Variants in NLGN1 observed in about 807,000 individuals in gnomAD.
The protein encoded by NLGN1 is neuroligin-1.
NLGN1 carries 12 observed loss-of-function variants against 65.5 expected under a neutral mutation model. The ratio of observed to expected loss-of-function variants is 0.18; its 90% CI spans 0.12 to 0.30. The LOEUF (loss-of-function observed/expected upper bound fraction) is 0.30. Ranked by LOEUF, NLGN1 falls within the 10% of genes least tolerant of loss-of-function variation. NLGN1 has a pLI of 1.00. For synonymous variants in NLGN1, 350 were observed against 359.5 expected, an observed-to-expected ratio of 0.97 and a Z score of 0.30; for missense variants, 750 against 1,007.1, an observed-to-expected ratio of 0.74 and a Z score of 3.46.
At chr3:173,942,793 C>T (rs1746393998) in intron 4 of NLGN1, among the ~76,000 whole-genome samples, 1 of 152,022 alleles carries the variant, frequency 6.6e-6, no homozygotes, top group Non-Finnish European at 1.5e-5. Context: ...TTCATGACAA[C>T]CAGGGAAGTG....
chr3:174,116,330 C>CTT lies in NLGN1; in HGVS notation c.647-158959_647-158958dup, dbSNP rs1168837585. Among the ~76,000 whole-genome samples the CTT allele has an allele frequency of 3.0e-3, 211 of 69,648 alleles. 31 individuals carry two copies. Among genetic ancestry groups the CTT allele is most frequent in the Non-Finnish European group, 3.9e-3 (129 of 33,130 alleles). 45.7% of individuals were successfully genotyped at this position (69,648 alleles called of 152,430 possible). A position where few individuals can be genotyped will look rare whatever the true frequency, so the allele number is the denominator to read the frequency against. Reference sequence around the variant, plus strand: ...ACATGTAAGTTTTTTTCTGGGTTTTCTTTTTTTTTTTTTTTTTTTTTTTTT... The same window carrying CTT: ...ACATGTAAGTTTTTTTCTGGGTTTTCTTTTTTTTTTTTTTTTTTTTTTTTTTT... On this transcript the variant is annotated intron_variant, in intron 4 of 6. Transcript: ENST00000457714.
intron 4 of NLGN1, among the ~76,000 whole-genome samples, chr3:174,063,741 T>C (rs557247735): frequency 6.6e-6 from 1 of 152,098 alleles, no homozygotes; most frequent in Non-Finnish European, 1.5e-5. Context: ...AAAAAGGATG[T>C]TGTAAAATTT....
chr3:174,276,919 A>G (rs1197445886), intron 5 of NLGN1, among the ~76,000 whole-genome samples: 3 of 151,846 alleles, frequency 2.0e-5, no homozygotes, highest in Non-Finnish European at 4.4e-5. Flanking sequence ...CCACCTCTAT[A>G]GGTTTCTCAG....
At position 173,443,943 on chromosome 3, in the gene NLGN1, A is replaced by G. The variant is rs1189120660; in HGVS notation, c.-321+8865A>G. 3.9e-5 allele frequency among the ~76,000 whole-genome samples: 6 copies of G among 152,196 alleles called. No individual in the cohort carries two copies. In the East Asian group the frequency reaches 1.2e-3, roughly 29 times the overall value. ...CTGATCAGTGAACATGCATTCTTGG[A>G]TAATAACCAACATAAGATTGTATCG... On this transcript the variant is annotated intron_variant, in intron 2 of 6. Transcript: ENST00000457714.
chr3:173,953,368 A>G (rs1023868571), intron 4 of NLGN1, among the ~76,000 whole-genome samples: 4 of 152,142 alleles, frequency 2.6e-5, no homozygotes, highest in African/African-American at 7.2e-5. Flanking sequence ...CTTGCAGAAA[A>G]AGCTTCATGA....
chr3:173,598,908 A>G (rs1560025967), intron 2 of NLGN1, among the ~76,000 whole-genome samples: 1 of 152,098 alleles, frequency 6.6e-6, no homozygotes, highest in Non-Finnish European at 1.5e-5. Flanking sequence ...CTGTATTGAG[A>G]AAAGGAGGCC....
intron 4 of NLGN1, among the ~76,000 whole-genome samples, chr3:174,043,341 C>G (rs912501685): frequency 1.3e-5 from 2 of 152,142 alleles, no homozygotes; most frequent in Non-Finnish European, 2.9e-5. Flanking sequence ...TAACTCATTC[C>G]AGCACTAACT....
chr3:173,920,829 G>A (rs1338080924), intron 4 of NLGN1: 1 of 152,208 alleles, frequency 6.6e-6, no homozygotes, highest in East Asian at 1.9e-4. Flanking sequence ...CAGAGAGAGA[G>A]AGAGAAAGGG....
intron 2 of NLGN1, among the ~76,000 whole-genome samples, chr3:173,453,945 T>A (rs1188389401): frequency 6.6e-6 from 1 of 152,246 alleles, no homozygotes; most frequent in Non-Finnish European, 1.5e-5. Context: ...TCATTATCAA[T>A]CTGTCTATAG....
intron 3 of NLGN1, among the ~76,000 whole-genome samples, chr3:173,700,604 GCTCT>G (rs1766984825): frequency 6.6e-6 from 1 of 152,128 alleles, no homozygotes; most frequent in Admixed American, 6.5e-5. Context: ...CCTGTTTTCT[GCTCT>G]CTGATGCATC....
chr3:173,491,304 A>G (rs1282051817), intron 2 of NLGN1, among the ~76,000 whole-genome samples: 1 of 151,880 alleles, frequency 6.6e-6, no homozygotes, highest in Admixed American at 6.6e-5. Flanking sequence ...TTTAGCATGA[A>G]GAGCTGTTGA....
intron 4 of NLGN1, among the ~76,000 whole-genome samples, chr3:174,059,872 T>C (rs1737020217): frequency 6.6e-6 from 1 of 152,160 alleles, no homozygotes; most frequent in African/African-American, 2.4e-5. Context: ...TTTGGCAGCA[T>C]AACAGTTATT....
rs568239128 is a variant in NLGN1, at chr3:173,662,734, A to G, written c.493+57643A>G. Among the ~76,000 whole-genome samples the G allele has an allele frequency of 5.8e-4, 88 of 152,132 alleles. 1 individual carries two copies. In the South Asian group the frequency reaches 0.018, roughly 30 times the overall value. On this transcript the variant is annotated intron_variant, in intron 3 of 6. Coordinates refer to ENST00000457714, the Ensembl canonical transcript of NLGN1. ...AAGACATTTTGGCATTCTCAAAATAAGACATTTTTGGTTGTCACAAATTGG... is the reference window on the plus strand; with the variant it reads ...AAGACATTTTGGCATTCTCAAAATAGGACATTTTTGGTTGTCACAAATTGG...
At chr3:173,518,547 C>CATGCATGTGTGTGTGTGT (rs1491496415) in intron 2 of NLGN1, among the ~76,000 whole-genome samples, 2 of 147,842 alleles carry the variant, frequency 1.4e-5, no homozygotes, top group African/African-American at 4.9e-5. Context: ...TGTGTGTGTG[C>CATGCATGTGTGTGTGTGT]ATGCATGTGT....
At chr3:174,028,359 A>G (rs1199909659) in intron 4 of NLGN1, among the ~76,000 whole-genome samples, 2 of 152,232 alleles carry the variant, frequency 1.3e-5, no homozygotes, top group Admixed American at 6.5e-5. Context: ...GATATGGACA[A>G]TGAAGTCCAG....
At chr3:173,821,882 A>G (rs1720376804) in intron 4 of NLGN1, among the ~76,000 whole-genome samples, 1 of 152,190 alleles carries the variant, frequency 6.6e-6, no homozygotes, top group Non-Finnish European at 1.5e-5. Context: ...GCTAGAAAGT[A>G]TTTGTGAGAG....
chr3:173,539,246 C>G lies in NLGN1; in HGVS notation c.-320-65033C>G, dbSNP rs910147294. On this transcript the variant is annotated intron_variant, in intron 2 of 6. Coordinates refer to ENST00000457714, the Ensembl canonical transcript of NLGN1. Reference sequence around the variant, plus strand: ...CTGTCATCTGATAGTAGGAAAGTCTCCATTAGGCCATAGGTGCTGGTGGGG... The same window carrying G: ...CTGTCATCTGATAGTAGGAAAGTCTGCATTAGGCCATAGGTGCTGGTGGGG... Among the ~76,000 whole-genome samples the G allele has an allele frequency of 3.4e-4, 51 of 151,652 alleles. 1 individual carries two copies.
chr3:173,604,449 T>C (rs1751044801), exon 3 of NLGN1: 4 of 765,354 alleles, frequency 5.2e-6, no homozygotes, highest in Admixed American at 2.3e-5. Context: ...ATGGGAGATA[T>C]CTGCTGTCTG....
chr3:173,451,284 G>T (rs1026078434), intron 2 of NLGN1, among the ~76,000 whole-genome samples: 40 of 152,278 alleles, frequency 2.6e-4, no homozygotes, highest in African/African-American at 9.6e-4. Context: ...TAACAGTCAG[G>T]ACCCTCAGCT....
Sources: gnomAD v4.1 joint callset for allele counts (sites outside exome capture counted in the v4.1 genomes callset) on GRCh38, gnomAD v4.1.1 for gene constraint, MANE v1.5 for transcripts, NCBI Gene and HGNC (gene_info 2026-07-23, HGNC 2026-07-21) for gene names.